Variants in SERPINB4 observed in about 807,000 individuals in gnomAD.
The protein encoded by SERPINB4 is serpin B4.
SERPINB4 carries 39 observed loss-of-function variants against 33.2 expected under a neutral mutation model. The observed-to-expected ratio is 1.18, with a 90% CI of 0.91 to 1.53. The LOEUF (loss-of-function observed/expected upper bound fraction) is 1.53, where lower values mean the gene tolerates loss of function less well. Ranked by LOEUF, SERPINB4 falls within the 40% of genes most tolerant of loss-of-function variation. SERPINB4 has a pLI of 0.00. For synonymous variants in SERPINB4, 191 were observed against 166.4 expected (o/e 1.15, Z -1.14); for missense variants, 564 against 455.4 (o/e 1.24, Z -2.17).
chr18:63,639,303 T>C lies in SERPINB4; in HGVS notation c.650A>G (p.Asn217Ser). ...CTCCAGCAAGGCAAAATTAAAGGAA[T>C]TGTATTGCCTCATCATCTGTACAGA... ...YKSVQMMRQYNSFNFALLEDV... is the reference protein window; with the variant it reads ...YKSVQMMRQYSSFNFALLEDV... Residue 217 changes from asparagine to serine, a missense_variant, in exon 7 of 8, where the codon AAT (asparagine) becomes AGT (serine). Coordinates refer to ENST00000341074, the MANE Select transcript of SERPINB4 (RefSeq NM_002974.4). 1 of 1,612,492 alleles carries C rather than the reference T, an allele frequency of 6.2e-7. No individual in the cohort carries two copies. The highest frequency in any genetic ancestry group is 8.5e-7 in the Non-Finnish European group (1 of 1,179,028).
chr18:63,639,216 A>T lies in SERPINB4; in HGVS notation c.737T>A (p.Leu246Gln), dbSNP rs773194469. The change falls in exon 7 of 8, where the codon CTG becomes CAG. Residue 246 changes from leucine to glutamine, a missense_variant. Transcript: ENST00000341074. ...CAGACCATCGATTTCATTTGGCAGC[A>T]GCACAATCATGCTTAGATCTTTGCC... ...YKGKDLSMIV[L>Q]LPNEIDGLQK... The T allele has an allele frequency of 8.1e-6, 13 of 1,610,624 alleles. No homozygotes were observed. In the East Asian group the frequency reaches 2.7e-4, roughly 33 times the overall value.
rs774200021 is a variant in SERPINB4 at position 63,638,100 on chromosome 18, C to G, written c.792G>C (p.Glu264Asp). ...GCAAACTTGTCCATTCCATCAATTT[C>G]TCAGCAGTGAGTTTCTCTTCAAGCT... ...LQKLEEKLTA[E>D]KLMEWTSLQN... The change falls in exon 8 of 8, where the codon GAG (glutamate) becomes GAC (aspartate). Residue 264 changes from glutamate (E) to aspartate (D), a missense_variant. Coordinates refer to ENST00000341074, the MANE Select transcript of SERPINB4 (RefSeq NM_002974.4). 3.1e-6 allele frequency: 5 copies of G among 1,613,150 alleles called. No individual in the cohort carries two copies. In the South Asian group the frequency reaches 4.4e-5, roughly 14 times the overall value.
intron 7 of SERPINB4, 61 bp from the exon 8 acceptor site, chr18:63,638,184 A>G: frequency 1.3e-6 from 2 of 1,539,916 alleles, no homozygotes; most frequent in East Asian, 4.5e-5. Flanking sequence ...ACACCTTAAC[A>G]ATGAATTGAC....
In SERPINB4 at chr18:63,637,857, A is replaced by G; in HGVS notation, c.1035T>C (p.Ala345=). 5 of 1,613,542 alleles carry G rather than the reference A, an allele frequency of 3.1e-6. No homozygotes were observed. The highest frequency in any genetic ancestry group is 4.2e-6 in the Non-Finnish European group (5 of 1,179,710). Residue 345 remains alanine (A), a synonymous_variant, in exon 8 of 8, where the codon GCT becomes GCC. Coordinates refer to ENST00000341074, the MANE Select transcript of SERPINB4 (RefSeq NM_002974.4). ...ATTCGACTACTACTACAGCGGTGGC[A>G]GCTGCAGCTTCCACTCCCTCCTCAG... ...EVTEEGVEAA[A]ATAVVVVELS... is the part of the protein sequence containing the mutation.
rs747257812 is a variant in SERPINB4 at position 63,640,963 on chromosome 18, T to A, written c.380A>T (p.Tyr127Phe). The change falls in exon 5 of 8, where the codon TAC (tyrosine) becomes TTC (phenylalanine). Residue 127 changes from tyrosine (Y) to phenylalanine (F), a missense_variant. Tyr to Phe is a conservative substitution (Grantham distance 22). Coordinates refer to ENST00000341074, the MANE Select transcript of SERPINB4 (RefSeq NM_002974.4). Reference protein sequence around the residue: ...QEYLDAIKKFYQTSVESTDFA... With the variant: ...QEYLDAIKKFFQTSVESTDFA... The stretch of plus-strand genomic sequence containing the variant: ...ATCAGTAGATTCCACACTGGTCTGG[T>A]AAAATTTCTTGATGGCATCTAAATA... The A allele has an allele frequency of 2.5e-6, 4 of 1,612,868 alleles. No individual in the cohort carries two copies. Among genetic ancestry groups the A allele is most frequent in the East Asian group, 2.2e-5 (1 of 44,862 alleles).
chr18:63,637,346 T>G lies in SERPINB4; in HGVS notation c.*373A>C, dbSNP rs1260477797. On this transcript the variant is annotated 3_prime_UTR_variant, in exon 8 of 8. Coordinates refer to ENST00000341074, the MANE Select transcript of SERPINB4 (RefSeq NM_002974.4). ...AGAAGGATTTAGGTATCACCTAAAT[T>G]CAAAGAAATGTGTGTTTCTAGGTTG... 3.0e-5 allele frequency: 5 copies of G among 166,994 alleles called. No individual in the cohort carries two copies. Among genetic ancestry groups the G allele is most frequent in the African/African-American group, 1.2e-4 (5 of 41,972 alleles). 10.3% of individuals were successfully genotyped at this position (166,994 alleles called of 1,614,324 possible).
At position 63,641,114 on chromosome 18, in the gene SERPINB4, G is replaced by A. The variant is rs375182220; in HGVS notation, c.352-123C>T. 80 of 752,250 alleles carry A rather than the reference G, an allele frequency of 1.1e-4. No individual in the cohort carries two copies. The East Asian group carries it at 1.6e-3, about 15-fold the overall frequency. 46.6% of individuals were successfully genotyped at this position (752,250 alleles called of 1,614,324 possible). ...ACCCTGAATAGATGCAGTATCTCCT[G>A]TCCATGGATATTTTTATACAGGTGT... On this transcript the variant is annotated intron_variant, in intron 4 of 7. Coordinates refer to ENST00000341074, the MANE Select transcript of SERPINB4 (RefSeq NM_002974.4).
At position 63,641,893 on chromosome 18, in the gene SERPINB4, A is replaced by C. The variant is rs1452542742; in HGVS notation, c.223-5T>G. On this transcript the variant is annotated splice_region_variant and splice_polypyrimidine_tract_variant and intron_variant, in intron 3 of 7. Coordinates refer to ENST00000341074, the MANE Select transcript of SERPINB4 (RefSeq NM_002974.4). ...AACATTTCCTGACCTATCAACCTTCAAACATCAAAAAGGGAGATCATTCAA... is the reference window on the plus strand; with the variant it reads ...AACATTTCCTGACCTATCAACCTTCCAACATCAAAAAGGGAGATCATTCAA... 21 of 1,612,672 alleles carry C rather than the reference A, an allele frequency of 1.3e-5. No individual in the cohort carries two copies. Among genetic ancestry groups the C allele is most frequent in the Non-Finnish European group, 1.7e-5 (20 of 1,179,118 alleles).
chr18:63,640,883 G>T lies in SERPINB4; in HGVS notation c.460C>A (p.Gln154Lys). Reference protein sequence around the residue: ...RKKINSWVESQTNEKIKNLFP... With the variant: ...RKKINSWVESKTNEKIKNLFP... ...TGGGTGGCTCTCCTACCATTCGTTT[G>T]ACTTTCCACCCAGGAGTTAATCTTC... The change falls in exon 5 of 8, where the codon CAA (glutamine) becomes AAA (lysine). Residue 154 changes from glutamine to lysine, a missense_variant. By Grantham distance (53) the Gln-to-Lys change is moderately conservative (BLOSUM62 1). Coordinates refer to ENST00000341074, the MANE Select transcript of SERPINB4 (RefSeq NM_002974.4). The T allele has an allele frequency of 1.2e-6, 2 of 1,612,200 alleles. No individual in the cohort carries two copies. Among genetic ancestry groups the T allele is most frequent in the South Asian group, 1.1e-5 (1 of 91,014 alleles).
rs555514130 is a variant in SERPINB4, at chr18:63,643,737, G to C, written c.-26-134C>G. 332 of 965,050 alleles carry C rather than the reference G, an allele frequency of 3.4e-4. 3 individuals carry two copies. In the South Asian group the frequency reaches 3.6e-3, roughly 10 times the overall value. 59.8% of individuals were successfully genotyped at this position (965,050 alleles called of 1,614,324 possible). A position where few individuals can be genotyped will look rare whatever the true frequency, so the allele number is the denominator to read the frequency against. ...TTAAAGTTTTTCTCTTATTTTTAAC[G>C]CTTCAATCTTTCTACAATGTGCATA... is the stretch of plus-strand genomic sequence containing the variant. On this transcript the variant is annotated intron_variant, in intron 1 of 7. Coordinates refer to ENST00000341074, the MANE Select transcript of SERPINB4 (RefSeq NM_002974.4).
At chr18:63,638,985 A>C (rs1402055133) in intron 7 of SERPINB4, among the ~76,000 whole-genome samples, 200 bp downstream of exon 7, 1 of 152,046 alleles carries the variant, frequency 6.6e-6, no homozygotes, top group Non-Finnish European at 1.5e-5. Context: ...AAAACAAACA[A>C]ACAAACAAAA....
chr18:63,640,975 A>T lies in SERPINB4; in HGVS notation c.368T>A (p.Ile123Asn). 1 of 1,612,548 alleles carries T rather than the reference A, an allele frequency of 6.2e-7. No homozygotes were observed. Among genetic ancestry groups the T allele is most frequent in the South Asian group, 1.1e-5 (1 of 91,018 alleles). The part of the protein sequence containing the change: ...YQFLQEYLDA[I>N]KKFYQTSVES... The stretch of plus-strand genomic sequence containing the variant: ...CACACTGGTCTGGTAAAATTTCTTG[A>T]TGGCATCTAAATATTCCTTTGAGAT... The change falls in exon 5 of 8, where the codon ATC becomes AAC. Residue 123 changes from isoleucine (I) to asparagine (N), a missense_variant. Ile to Asn is a moderately radical substitution (Grantham distance 149, BLOSUM62 -3). Transcript: ENST00000341074.
chr18:63,640,728 G>A, intron 5 of SERPINB4, 146 bp downstream of exon 5: 2 of 645,824 alleles, frequency 3.1e-6, no homozygotes, highest in Non-Finnish European at 5.4e-6. Flanking sequence ...TATTCATTTG[G>A]ACAAATCCTT....
intron 7 of SERPINB4, among the ~76,000 whole-genome samples, chr18:63,638,913 T>C (rs1913030243): frequency 6.6e-6 from 1 of 151,716 alleles, no homozygotes; most frequent in Non-Finnish European, 1.5e-5. Flanking sequence ...TATACATATG[T>C]AACTAACCTG....
At position 63,639,704 on chromosome 18, in the gene SERPINB4, T is replaced by C. The variant is rs769809941; in HGVS notation, c.542A>G (p.Tyr181Cys). ...DTTLVLVNAIYFKGQWENKFK... is the reference protein window; with the variant it reads ...DTTLVLVNAICFKGQWENKFK... ...TTTATTCTCCCACTGCCCTTTGAAA[T>C]AGATTGCGTTCACAAGAACCAGTGT... Residue 181 changes from tyrosine to cysteine, a missense_variant, in exon 6 of 8, where the codon TAT becomes TGT. Physicochemically the swap from Tyr to Cys is radical, Grantham distance 194 (BLOSUM62 -2). Coordinates refer to ENST00000341074, the MANE Select transcript of SERPINB4 (RefSeq NM_002974.4). 1.9e-5 allele frequency: 31 copies of C among 1,612,132 alleles called. No individual in the cohort carries two copies. The highest frequency in any genetic ancestry group is 2.5e-5 in the Non-Finnish European group (30 of 1,178,580).
chr18:63,642,956 G>C, intron 3 of SERPINB4: 1 of 617,322 alleles, frequency 1.6e-6, no homozygotes, highest in East Asian at 2.9e-5. Flanking sequence ...TATGCTCTGA[G>C]GTACAGTGCT....
chr18:63,643,186 G>A lies in SERPINB4; in HGVS notation c.197C>T (p.Thr66Ile). ...VLHFDQVTEN[T>I]TEKAATYHVD... The stretch of plus-strand genomic sequence containing the variant: ...ATGATATGTTGCAGCTTTTTCTGTG[G>A]TGTTCTCTGTGACTTGATCAAAGTG... The change falls in exon 3 of 8, where the codon ACC (threonine) becomes ATC (isoleucine). Residue 66 changes from threonine (T) to isoleucine (I), a missense_variant. Transcript: ENST00000341074. 1 of 1,613,312 alleles carries A rather than the reference G, an allele frequency of 6.2e-7. No individual in the cohort carries two copies. Among genetic ancestry groups the A allele is most frequent in the African/African-American group, 1.3e-5 (1 of 74,934 alleles).
At chr18:63,639,892 A>T in intron 5 of SERPINB4, 116 bp from the exon 6 acceptor site, 1 of 952,500 alleles carries the variant, frequency 1.0e-6, no homozygotes, top group East Asian at 2.5e-5. Context: ...CCTGCTTGAG[A>T]CTCACTGACT....
intron 5 of SERPINB4, 44 bp from the exon 6 acceptor site, chr18:63,639,820 T>C: frequency 6.5e-7 from 1 of 1,547,854 alleles, no homozygotes; most frequent in Non-Finnish European, 8.8e-7. Context: ...AAGCTACAAA[T>C]GGCTTGTCTG....
Sources: allele counts gnomAD v4.1 joint callset (sites outside exome capture counted in the v4.1 genomes callset), GRCh38; gene constraint gnomAD v4.1.1; transcripts MANE v1.5; gene names NCBI Gene and HGNC (gene_info 2026-07-23, HGNC 2026-07-21).